The following PTPRD variants were observed in gnomAD, a reference collection of about 807,000 sequenced individuals.
PTPRD encodes the protein receptor-type tyrosine-protein phosphatase delta.
A neutral mutation model predicts 214.5 loss-of-function variants in PTPRD; 34 were observed. The observed-to-expected ratio is 0.16, with a 90% CI of 0.12 to 0.21. PTPRD has a LOEUF of 0.21. Ranked by LOEUF, PTPRD falls within the 10% of genes least tolerant of loss-of-function variation. The pLI is 1.00. For synonymous variants in PTPRD, 1,128 were observed against 845.7 expected (o/e 1.33, Z -5.79); for missense variants, 2,545 against 2,398.7 (o/e 1.06, Z -1.27).
intron 7 of PTPRD, among the ~76,000 whole-genome samples, chr9:9,602,912 G>T (rs1249386187): frequency 1.3e-5 from 2 of 151,874 alleles, no homozygotes; most frequent in African/African-American, 4.8e-5. Flanking sequence ...ATTTGAATAA[G>T]AAACAACTTA....
intron 10 of PTPRD, among the ~76,000 whole-genome samples, chr9:9,075,827 T>C (rs776784323): frequency 6.6e-6 from 1 of 152,220 alleles, no homozygotes; most frequent in Non-Finnish European, 1.5e-5. Flanking sequence ...AAATTTGGCT[T>C]CTTTCCAAGT....
intron 9 of PTPRD, among the ~76,000 whole-genome samples, chr9:9,265,544 C>G (rs1275474188): frequency 6.6e-6 from 1 of 151,362 alleles, no homozygotes. Context: ...AACACATATG[C>G]AATTTAAAAG....
intron 9 of PTPRD, among the ~76,000 whole-genome samples, chr9:9,352,359 ATG>A (rs1215335540): frequency 6.3e-5 from 7 of 110,842 alleles, no homozygotes; most frequent in South Asian, 2.9e-4. Context: ...GTGTGTATAT[ATG>A]TGTGTGTGTG....
intron 9 of PTPRD, among the ~76,000 whole-genome samples, chr9:9,256,378 A>T (rs1381434016): frequency 1.3e-5 from 2 of 151,942 alleles, no homozygotes; most frequent in Non-Finnish European, 2.9e-5. Flanking sequence ...TCTCTCTGAT[A>T]ATATCTGCAT....
intron 2 of PTPRD, among the ~76,000 whole-genome samples, chr9:10,554,753 C>T (rs188003329): frequency 9.3e-4 from 141 of 152,198 alleles, no homozygotes; most frequent in African/African-American, 2.8e-3. Flanking sequence ...CTCCGCCTCC[C>T]GGCTTCACGC....
At chr9:10,008,889 T>C (rs1015606975) in intron 4 of PTPRD, among the ~76,000 whole-genome samples, 4 of 151,926 alleles carry the variant, frequency 2.6e-5, no homozygotes, top group African/African-American at 7.2e-5. Context: ...TGGTTAAAAA[T>C]GAGTAAATAA....
chr9:8,875,001 A>G (rs777411184), intron 11 of PTPRD, among the ~76,000 whole-genome samples: 4 of 152,162 alleles, frequency 2.6e-5, no homozygotes, highest in Non-Finnish European at 5.9e-5. Context: ...AGTCAAAAAT[A>G]TAGGGCTGTG....
chr9:10,345,237 A>T (rs2097049420), intron 2 of PTPRD, among the ~76,000 whole-genome samples: 1 of 152,186 alleles, frequency 6.6e-6, no homozygotes, highest in Admixed American at 6.5e-5. Flanking sequence ...TACACATGGA[A>T]ATATATTTTC....
intron 5 of PTPRD, among the ~76,000 whole-genome samples, chr9:9,887,550 T>A (rs1600975410): frequency 6.6e-6 from 1 of 152,102 alleles, no homozygotes; most frequent in Non-Finnish European, 1.5e-5. Context: ...AGAACAACAT[T>A]AGATGTTAAA....
At chr9:10,306,329 C>A (rs940111725) in intron 3 of PTPRD, among the ~76,000 whole-genome samples, 1 of 151,744 alleles carries the variant, frequency 6.6e-6, no homozygotes, top group Non-Finnish European at 1.5e-5. Context: ...ATGTAGATTG[C>A]GGGTTGATTG....
chr9:9,788,428 T>G (rs2098942128), intron 5 of PTPRD, among the ~76,000 whole-genome samples: 1 of 150,946 alleles, frequency 6.6e-6, no homozygotes, highest in Non-Finnish European at 1.5e-5. Flanking sequence ...GGCAGGCGCC[T>G]GTAGTCCCAG....
At chr9:10,242,198 G>A (rs1206199316) in intron 3 of PTPRD, among the ~76,000 whole-genome samples, 1 of 151,894 alleles carries the variant, frequency 6.6e-6, no homozygotes, top group African/African-American at 2.4e-5. Context: ...CCCTATGACT[G>A]GCTGCACTGG....
chr9:10,313,482 T>C (rs556397504), intron 3 of PTPRD, among the ~76,000 whole-genome samples: 1 of 151,944 alleles, frequency 6.6e-6, no homozygotes, highest in Admixed American at 6.6e-5. Flanking sequence ...GCTACTAGAA[T>C]AGTTTTCCCA....
At chr9:8,591,832 T>C (rs1011345222) in intron 14 of PTPRD, among the ~76,000 whole-genome samples, 1 of 152,170 alleles carries the variant, frequency 6.6e-6, no homozygotes, top group African/African-American at 2.4e-5. Flanking sequence ...GTATTCACTA[T>C]GTAAACCTTC....
intron 9 of PTPRD, among the ~76,000 whole-genome samples, chr9:9,370,044 T>G (rs1430272332): frequency 6.6e-6 from 1 of 152,194 alleles, no homozygotes; most frequent in Non-Finnish European, 1.5e-5. Flanking sequence ...TCAGGTAGCG[T>G]GATGCCTCCA....
At chr9:10,032,940 G>T (rs2097109937) in intron 4 of PTPRD, among the ~76,000 whole-genome samples, 1 of 151,876 alleles carries the variant, frequency 6.6e-6, no homozygotes, top group South Asian at 2.1e-4. Context: ...ATTTTTAACT[G>T]ATGAAGTATT....
intron 3 of PTPRD, among the ~76,000 whole-genome samples, chr9:10,074,275 C>T (rs918406723): frequency 3.9e-5 from 6 of 152,040 alleles, no homozygotes; most frequent in African/African-American, 1.4e-4. Context: ...CCTATAGTGG[C>T]CTGAGAATGT....
intron 4 of PTPRD, among the ~76,000 whole-genome samples, chr9:10,005,803 G>A (rs888188055): frequency 4.0e-5 from 6 of 151,896 alleles, no homozygotes; most frequent in Non-Finnish European, 8.8e-5. Flanking sequence ...TTAACAATCT[G>A]AAATGCACAC....
chr9:10,560,036 T>G lies in PTPRD; in HGVS notation c.-600+52362A>C, dbSNP rs2063515129. The stretch of plus-strand genomic sequence containing the variant: ...GGGATCTAGAACTAGAAATACCATT[T>G]GACCCAGCCATCCATTACTGGGTAT... On this transcript the variant is annotated intron_variant, in intron 2 of 45. Transcript: ENST00000381196. Among the ~76,000 whole-genome samples, 6 of 152,170 alleles carry G rather than the reference T, an allele frequency of 3.9e-5. No homozygotes were observed. In the South Asian group the frequency reaches 1.2e-3, roughly 32 times the overall value.
Sources: allele counts gnomAD v4.1 joint callset (sites outside exome capture counted in the v4.1 genomes callset), GRCh38; gene constraint gnomAD v4.1.1; transcripts MANE v1.5; gene names NCBI Gene and HGNC (gene_info 2026-07-23, HGNC 2026-07-21).